The following SYNGR1 variants were observed in gnomAD, a reference collection of about 807,000 sequenced individuals.
The protein encoded by SYNGR1 is synaptogyrin-1.
SYNGR1 carries 14 observed loss-of-function variants against 26.1 expected under a neutral mutation model. That is an observed-to-expected ratio of 0.54 (90% CI 0.35 to 0.84). The LOEUF is 0.84. Among genes scored for constraint, SYNGR1 ranks in the 40% least tolerant of loss-of-function variants. The probability of loss-of-function intolerance (pLI) is 0.01; values close to 1 mark genes in which losing one functional copy is unlikely to be tolerated. For synonymous variants in SYNGR1, 141 were observed against 150.1 expected, an observed-to-expected ratio of 0.94 and a Z score of 0.44; for missense variants, 319 against 332.9, an observed-to-expected ratio of 0.96 and a Z score of 0.33.
At chr22:39,378,096 G>T (rs1432247999) in intron 3 of SYNGR1, 8 of 1,178,094 alleles carry the variant, frequency 6.8e-6, no homozygotes, top group African/African-American at 1.6e-5. Context: ...CTGAGCTGTG[G>T]GTGCAGAGCA....
chr22:39,377,295 G>A (rs755699897), intron 3 of SYNGR1: 196 of 985,406 alleles, frequency 2.0e-4, no homozygotes, highest in Non-Finnish European at 2.2e-4. Context: ...GGGGAGACCC[G>A]TGGTTCAGGC....
At chr22:39,370,682 A>G (rs1924977868) in intron 1 of SYNGR1, among the ~76,000 whole-genome samples, 1 of 150,996 alleles carries the variant, frequency 6.6e-6, no homozygotes, top group Non-Finnish European at 1.5e-5. Flanking sequence ...CAGTGACACA[A>G]TCTCAGCTCA....
chr22:39,374,255 C>T, intron 1 of SYNGR1, 61 bp from the exon 2 acceptor site: 1 of 1,536,934 alleles, frequency 6.5e-7, no homozygotes, highest in Non-Finnish European at 9.0e-7. Flanking sequence ...GCCTCCCCGT[C>T]CCCTGGGTGG....
At chr22:39,363,145 G>C (rs988231836) in intron 1 of SYNGR1, among the ~76,000 whole-genome samples, 2 of 152,130 alleles carry the variant, frequency 1.3e-5, no homozygotes, top group Non-Finnish European at 2.9e-5. Context: ...TGAATGCCCT[G>C]AGGCAGGGAT....
At chr22:39,354,236 A>T (rs137703) in intron 1 of SYNGR1, among the ~76,000 whole-genome samples, 1 of 152,240 alleles carries the variant, frequency 6.6e-6, no homozygotes, top group Admixed American at 6.5e-5. Context: ...TTCAGGGTTC[A>T]TTTTTTAAGG....
Position 39,382,143 on chromosome 22 carries a change from G to A in SYNGR1, c.*229G>A, listed in dbSNP as rs930683656. ...CCCCGCAGGGGCCTAGAGGGTGGGGGCCAGGGGTATTTGCATTCATACATT... is the reference window on the plus strand; with the variant it reads ...CCCCGCAGGGGCCTAGAGGGTGGGGACCAGGGGTATTTGCATTCATACATT... On this transcript the variant is annotated 3_prime_UTR_variant, in exon 4 of 4. Coordinates refer to ENST00000328933, the MANE Select transcript of SYNGR1 (RefSeq NM_004711.5). 2 of 602,746 alleles carry A rather than the reference G, an allele frequency of 3.3e-6. No individual in the cohort carries two copies. Among genetic ancestry groups the A allele is most frequent in the Non-Finnish European group, 5.9e-6 (2 of 339,162 alleles). 37.3% of individuals were successfully genotyped at this position (602,746 alleles called of 1,614,324 possible).
chr22:39,352,217 C>A (rs1352176712), intron 1 of SYNGR1, among the ~76,000 whole-genome samples: 1 of 152,212 alleles, frequency 6.6e-6, no homozygotes, highest in Non-Finnish European at 1.5e-5. Flanking sequence ...CCTGGACCAA[C>A]CAATGCTCAA....
At chr22:39,374,607 G>A (rs752913466) in intron 2 of SYNGR1, 54 bp downstream of exon 2, 31 of 1,573,744 alleles carry the variant, frequency 2.0e-5, no homozygotes, top group Admixed American at 8.4e-5. Context: ...GGGCTGTCCC[G>A]GCCATAGGAG....
In SYNGR1 at chr22:39,350,147, G is replaced by A. The variant is rs1208465883; in HGVS notation, c.99+38G>A. Reference sequence around the variant, plus strand: ...TGGCCGACGGCTCTGCCAGGCCGGGGTGGTGGGGGTGTGAGCAAAGGCGGC... The same window carrying A: ...TGGCCGACGGCTCTGCCAGGCCGGGATGGTGGGGGTGTGAGCAAAGGCGGC... On this transcript the variant is annotated intron_variant, in intron 1 of 3. Transcript: ENST00000328933. This position sits in a 1 kb window ranked among gnomAD's most constrained non-coding sequence, Gnocchi z 4.3. 7.4e-6 allele frequency: 10 copies of A among 1,352,282 alleles called. No homozygotes were observed. The highest frequency in any genetic ancestry group is 9.7e-6 in the Non-Finnish European group (10 of 1,028,962). 83.8% of individuals were successfully genotyped at this position (1,352,282 alleles called of 1,614,324 possible). A position where few individuals can be genotyped will look rare whatever the true frequency, so the allele number is the denominator to read the frequency against.
rs760674252 is a variant in SYNGR1, at chr22:39,350,049, C to T, written c.39C>T (p.Gly13=). 7.0e-6 allele frequency: 10 copies of T among 1,426,258 alleles called. No individual in the cohort carries two copies. The highest frequency in any genetic ancestry group is 8.4e-6 in the Non-Finnish European group (9 of 1,073,088). 88.4% of individuals were successfully genotyped at this position (1,426,258 alleles called of 1,614,324 possible). A position where few individuals can be genotyped will look rare whatever the true frequency, so the allele number is the denominator to read the frequency against. ...CGTACGGAGCGGGCAAAGCCGGGGG[C>T]GCCTTCGACCCCTACACCCTGGTCC... ...GGAYGAGKAG[G]AFDPYTLVRQ... Residue 13 remains glycine (G), a synonymous_variant, in exon 1 of 4, where the codon GGC becomes GGT. Coordinates refer to ENST00000328933, the MANE Select transcript of SYNGR1 (RefSeq NM_004711.5). The surrounding 1 kb of genome is among the most constrained non-coding windows in gnomAD (Gnocchi z 4.3).
chr22:39,371,837 C>G (rs1328317763), intron 1 of SYNGR1, among the ~76,000 whole-genome samples: 1 of 152,264 alleles, frequency 6.6e-6, no homozygotes, highest in East Asian at 1.9e-4. Context: ...CAGGTTCTGT[C>G]ACTGACCAGT....
Position 39,350,193 on chromosome 22 carries a change from C to A in SYNGR1, c.99+84C>A. The stretch of plus-strand genomic sequence containing the variant: ...GCGGCGCGCCCGGACCGACCCCGAC[C>A]CCGACCCCAACGGGCCCCCGGCGGC... On this transcript the variant is annotated intron_variant, in intron 1 of 3. Transcript: ENST00000328933. The surrounding 1 kb of genome is among the most constrained non-coding windows in gnomAD (Gnocchi z 4.3). 1 of 987,226 alleles carries A rather than the reference C, an allele frequency of 1.0e-6. No individual in the cohort carries two copies. The allele number at this position is 987,226 out of a possible 1,614,324, so 61.2% of individuals were successfully genotyped here.
At position 39,374,608 on chromosome 22, in the gene SYNGR1, G is replaced by T. The variant is rs554127367; in HGVS notation, c.337+55G>T. The T allele has an allele frequency of 2.5e-5, 39 of 1,575,614 alleles. No homozygotes were observed. The African/African-American group carries it at 4.7e-4, about 19-fold the overall frequency. On this transcript the variant is annotated intron_variant, in intron 2 of 3. Coordinates refer to ENST00000328933, the MANE Select transcript of SYNGR1 (RefSeq NM_004711.5). ...ACAGAGTCTACAGAGGGCTGTCCCG[G>T]CCATAGGAGGCGGCTGCCACCCTTC... is the stretch of plus-strand genomic sequence containing the variant.
intron 1 of SYNGR1, among the ~76,000 whole-genome samples, chr22:39,354,147 C>T (rs1924039923): frequency 6.6e-6 from 1 of 152,228 alleles, no homozygotes; most frequent in Non-Finnish European, 1.5e-5. Context: ...CAGGTGTGAG[C>T]CACCGTGCCC....
rs543257753 is a variant in SYNGR1, at chr22:39,359,988, C to T, written c.99+9879C>T. On this transcript the variant is annotated intron_variant, in intron 1 of 3. Coordinates refer to ENST00000328933, the MANE Select transcript of SYNGR1 (RefSeq NM_004711.5). ...TTCCCCTGTGCACTGGCCCTCACCA[C>T]CCCTTGGTCCCTCCTGTCTCCCTCC... Among the ~76,000 whole-genome samples, 8 of 152,326 alleles carry T rather than the reference C, an allele frequency of 5.3e-5. No homozygotes were observed. In the East Asian group the frequency reaches 1.5e-3, roughly 29 times the overall value.
Position 39,384,417 on chromosome 22 carries a change from C to T in SYNGR1, c.*2503C>T. The T allele has an allele frequency of 2.5e-6, 1 of 397,964 alleles. No individual in the cohort carries two copies. The highest frequency in any genetic ancestry group is 4.4e-6 in the Non-Finnish European group (1 of 226,032). The allele number at this position is 397,964 out of a possible 1,614,324, so 24.7% of individuals were successfully genotyped here. A position where few individuals can be genotyped will look rare whatever the true frequency, so the allele number is the denominator to read the frequency against. On this transcript the variant is annotated 3_prime_UTR_variant, in exon 4 of 4. Coordinates refer to ENST00000328933, the MANE Select transcript of SYNGR1 (RefSeq NM_004711.5). Reference sequence around the variant, plus strand: ...GAGTCATCTCACGAAGAATCCCTCACTCTTCCCGGGTTCAGCCCAGAAGCC... The same window carrying T: ...GAGTCATCTCACGAAGAATCCCTCATTCTTCCCGGGTTCAGCCCAGAAGCC...
chr22:39,383,205 C>T lies in SYNGR1; in HGVS notation c.*1291C>T, dbSNP rs1430954084. On this transcript the variant is annotated 3_prime_UTR_variant, in exon 4 of 4. Transcript: ENST00000328933. ...TTTCCTTGGCCTTCCAGAAGGCCCA[C>T]TGTGGAGCCAGCCTCCCTATGGGAG... The T allele has an allele frequency of 3.3e-5, 5 of 152,364 alleles. No individual in the cohort carries two copies. Among genetic ancestry groups the T allele is most frequent in the African/African-American group, 1.2e-4 (5 of 41,450 alleles). The allele number at this position is 152,364 out of a possible 1,614,324, so 9.4% of individuals were successfully genotyped here.
chr22:39,364,330 G>A lies in SYNGR1; in HGVS notation c.100-9986G>A, dbSNP rs1489271201. On this transcript the variant is annotated intron_variant, in intron 1 of 3. Coordinates refer to ENST00000328933, the MANE Select transcript of SYNGR1 (RefSeq NM_004711.5). ...CCCATCTGCTGTGGGTCAGCGAGAG[G>A]CAGGGCCTCTCTGAGCCTTAGCCTC... The A allele has an allele frequency of 3.1e-6, 5 of 1,613,708 alleles. No individual in the cohort carries two copies. In the East Asian group the frequency reaches 1.1e-4, roughly 36 times the overall value.
In SYNGR1 at chr22:39,384,277, C is replaced by G. The variant is rs1925590551; in HGVS notation, c.*2363C>G. ...CCAGCCAGCTGCTGGTGATCCTCAG[C>G]CGGAGGGCAGGGTACCAGGTAAGCT... is the stretch of plus-strand genomic sequence containing the variant. On this transcript the variant is annotated 3_prime_UTR_variant, in exon 4 of 4. Coordinates refer to ENST00000328933, the MANE Select transcript of SYNGR1 (RefSeq NM_004711.5). 1 of 366,806 alleles carries G rather than the reference C, an allele frequency of 2.7e-6. No homozygotes were observed. The highest frequency in any genetic ancestry group is 2.1e-5 in the African/African-American group (1 of 48,034). 22.7% of individuals were successfully genotyped at this position (366,806 alleles called of 1,614,324 possible).
Sources: gnomAD v4.1 joint callset for allele counts (sites outside exome capture counted in the v4.1 genomes callset) on GRCh38, gnomAD v4.1.1 for gene constraint, Gnocchi (gnomAD v3.1) non-coding constraint, MANE v1.5 for transcripts, NCBI Gene and HGNC (gene_info 2026-07-23, HGNC 2026-07-21) for gene names.